Variants in RMDN2 observed in about 807,000 individuals in gnomAD.
RMDN2 encodes the protein regulator of microtubule dynamics 2.
In RMDN2, 61 loss-of-function variants were observed where a neutral mutation model predicts 52.8. The observed-to-expected ratio is 1.16, with a 90% CI of 0.94 to 1.43. RMDN2 has a LOEUF of 1.43. Among genes scored for constraint, RMDN2 ranks in the 40% most tolerant of loss-of-function variants. RMDN2 has a pLI of 0.00. For missense variants in RMDN2, 592 were observed against 475.3 expected (o/e 1.25, Z -2.28); for synonymous variants, 180 against 153.1 (o/e 1.18, Z -1.30).
chr2:37,928,293 C>T (rs967524185), intron 1 of RMDN2, among the ~76,000 whole-genome samples: 9 of 152,180 alleles, frequency 5.9e-5, no homozygotes, highest in African/African-American at 2.2e-4. Context: ...TTCTCTCAGA[C>T]CCTCTTCCAT....
chr2:38,046,181 C>T (rs1209856733), intron 10 of RMDN2, among the ~76,000 whole-genome samples: 1 of 152,182 alleles, frequency 6.6e-6, no homozygotes, highest in Non-Finnish European at 1.5e-5. Flanking sequence ...ACTTTCAAGA[C>T]AGTAAAAGTC....
intron 5 of RMDN2, among the ~76,000 whole-genome samples, chr2:37,986,126 C>G (rs1270824777): frequency 6.6e-6 from 1 of 151,932 alleles, no homozygotes; most frequent in African/African-American, 2.4e-5. Context: ...AATGATAATG[C>G]CCATGACAAA....
At chr2:38,058,276 A>G (rs145117683) in intron 10 of RMDN2, among the ~76,000 whole-genome samples, 41 of 152,254 alleles carry the variant, frequency 2.7e-4, no homozygotes, top group Non-Finnish European at 5.0e-4. Context: ...GGGTGGAAAA[A>G]TCTCAGGTAT....
chr2:38,054,287 A>G (rs1239503619), intron 10 of RMDN2, among the ~76,000 whole-genome samples: 1 of 152,240 alleles, frequency 6.6e-6, no homozygotes, highest in African/African-American at 2.4e-5. Context: ...ACTGATGAAC[A>G]CAAAAAAGAT....
rs776592252 is a variant in RMDN2, at chr2:37,952,034, A to T, written c.453-22006A>T. On this transcript the variant is annotated intron_variant, in intron 2 of 10. Transcript: ENST00000354545. ...TTCCACAGCATCCCTCTCAAAGTGG[A>T]ACTTTCCCATTCCTCCATAAAGCTG... 6.2e-6 allele frequency: 10 copies of T among 1,613,514 alleles called. No homozygotes were observed. The South Asian group carries it at 9.9e-5, about 16-fold the overall frequency.
chr2:38,033,150 A>G (rs1230814420), intron 10 of RMDN2: 2 of 152,210 alleles, frequency 1.3e-5, no homozygotes, highest in Non-Finnish European at 2.9e-5. Flanking sequence ...TTCTCTGACC[A>G]GTGACGTCAA....
At chr2:38,012,478 A>G (rs1489223303) in intron 10 of RMDN2, 7 of 387,956 alleles carry the variant, frequency 1.8e-5, no homozygotes, top group Non-Finnish European at 3.6e-5. Flanking sequence ...AATAAAAATA[A>G]TAGTGTCAAT....
intron 5 of RMDN2, among the ~76,000 whole-genome samples, chr2:37,985,476 T>G (rs927170522): frequency 2.6e-5 from 4 of 152,094 alleles, no homozygotes; most frequent in Admixed American, 6.6e-5. Flanking sequence ...ACTCATAACA[T>G]TTTTTGGACA....
chr2:38,024,387 A>G (rs1679618038), intron 10 of RMDN2, among the ~76,000 whole-genome samples: 2 of 152,186 alleles, frequency 1.3e-5, no homozygotes, highest in African/African-American at 4.8e-5. Flanking sequence ...ACCATTTCAC[A>G]TTCTCACCAA....
intron 2 of RMDN2, among the ~76,000 whole-genome samples, chr2:37,973,738 A>G (rs1672096264): frequency 1.3e-5 from 2 of 152,166 alleles, no homozygotes; most frequent in South Asian, 4.1e-4. Context: ...TAAAGGGAAC[A>G]GCAAGTGGAG....
At chr2:37,944,844 G>C (rs1668091616) in intron 2 of RMDN2, among the ~76,000 whole-genome samples, 1 of 152,166 alleles carries the variant, frequency 6.6e-6, no homozygotes, top group Non-Finnish European at 1.5e-5. Context: ...TTTCACCTGA[G>C]AGATACTTGA....
intron 10 of RMDN2, among the ~76,000 whole-genome samples, chr2:38,054,493 A>G (rs1049331226): frequency 6.6e-6 from 1 of 152,242 alleles, no homozygotes; most frequent in Admixed American, 6.5e-5. Context: ...TGCATTATGG[A>G]TATAGTTCAC....
In RMDN2 at chr2:37,940,447, A is replaced by T. The variant is rs545282519; in HGVS notation, c.452+10718A>T. ...TTGGCCTGTCTTGCTATGTTGGGGA[A>T]GTTCTCCTGGATAGTATCCTGAAGT... On this transcript the variant is annotated intron_variant, in intron 2 of 10. Transcript: ENST00000354545. Among the ~76,000 whole-genome samples the T allele has an allele frequency of 5.3e-5, 8 of 152,250 alleles. No individual in the cohort carries two copies. The South Asian group carries it at 1.7e-3, about 32-fold the overall frequency.
At chr2:38,020,328 C>T (rs1420481319), downstream of RMDN2, among the ~76,000 whole-genome samples, 1 of 152,162 alleles carries the variant, frequency 6.6e-6, no homozygotes, top group Admixed American at 6.5e-5. Flanking sequence ...ACCTATCAGG[C>T]ATTGATTCTC....
At chr2:38,007,541 C>T (rs545492031) in intron 10 of RMDN2, among the ~76,000 whole-genome samples, 51 of 152,180 alleles carry the variant, frequency 3.4e-4, no homozygotes, top group African/African-American at 1.1e-3. Flanking sequence ...TCTGTGGGAT[C>T]GGTGGTGATA....
intron 10 of RMDN2, among the ~76,000 whole-genome samples, chr2:38,010,154 G>A (rs1440796405): frequency 6.6e-6 from 1 of 152,176 alleles, no homozygotes; most frequent in African/African-American, 2.4e-5. Flanking sequence ...GCTACTCAGG[G>A]GTCAGGGACC....
At chr2:38,053,674 C>T (rs563414440) in intron 10 of RMDN2, among the ~76,000 whole-genome samples, 10 of 152,196 alleles carry the variant, frequency 6.6e-5, no homozygotes, top group Middle Eastern at 3.4e-3. Context: ...TTCATATAAA[C>T]GTTTCTATGC....
In RMDN2 at chr2:37,989,558, G is replaced by C. The variant is rs1674480834; in HGVS notation, c.809G>C (p.Gly270Ala). ...CTTTTCAGGTATGCAGTTTTGTGTG[G>C]CTATGTATCTGAGTTTGAGGGTTTA... ...HCHLWYAVLC[G>A]YVSEFEGLQN... Residue 270 changes from glycine (G) to alanine (A), a missense_variant, in exon 6 of 11, where the codon GGC (glycine) becomes GCC (alanine). Gly to Ala is a moderately conservative substitution (Grantham distance 60). Coordinates refer to ENST00000354545, the MANE Select transcript of RMDN2 (RefSeq NM_001170791.3). 2.5e-6 allele frequency: 4 copies of C among 1,611,372 alleles called. No homozygotes were observed. Among genetic ancestry groups the C allele is most frequent in the Non-Finnish European group, 3.4e-6 (4 of 1,178,942 alleles).
At chr2:38,038,176 A>T (rs1165646910) in intron 10 of RMDN2, among the ~76,000 whole-genome samples, 1 of 152,058 alleles carries the variant, frequency 6.6e-6, no homozygotes, top group Non-Finnish European at 1.5e-5. Context: ...TCTCAAGCCC[A>T]GGGGAGGGCT....
Sources: gnomAD v4.1 joint callset for allele counts (sites outside exome capture counted in the v4.1 genomes callset) on GRCh38, gnomAD v4.1.1 for gene constraint, MANE v1.5 for transcripts, NCBI Gene and HGNC (gene_info 2026-07-23, HGNC 2026-07-21) for gene names.